The following PARL variants were observed in gnomAD, a reference collection of about 807,000 sequenced individuals.
PARL encodes presenilin-associated rhomboid-like protein, mitochondrial.
PARL carries 44 observed loss-of-function variants against 51.6 expected under a neutral mutation model. The observed-to-expected ratio is 0.85, with a 90% CI of 0.67 to 1.10. The LOEUF (loss-of-function observed/expected upper bound fraction) is 1.10. Among genes scored for constraint, PARL ranks in the 50% least tolerant of loss-of-function variants. PARL has a pLI of 0.00. For missense variants in PARL, 441 were observed against 469.5 expected, an observed-to-expected ratio of 0.94 and a Z score of 0.56; for synonymous variants, 172 against 164.0, an observed-to-expected ratio of 1.05 and a Z score of -0.37.
intron 4 of PARL, among the ~76,000 whole-genome samples, chr3:183,849,857 T>G (rs1730360531): frequency 6.6e-6 from 1 of 152,186 alleles, no homozygotes; most frequent in Non-Finnish European, 1.5e-5. Context: ...GAAAGCAGAA[T>G]GTTACTACGA....
At chr3:183,878,829 A>G (rs1391903044) in intron 1 of PARL, among the ~76,000 whole-genome samples, 8 of 152,216 alleles carry the variant, frequency 5.3e-5, no homozygotes, top group African/African-American at 1.7e-4. Flanking sequence ...TTGAGTCTCC[A>G]ACTAAGAATG....
In PARL at chr3:183,842,383, T is replaced by C; in HGVS notation, c.672A>G (p.Ala224=). 2 of 1,613,712 alleles carry C rather than the reference T, an allele frequency of 1.2e-6. No individual in the cohort carries two copies. Among genetic ancestry groups the C allele is most frequent in the Non-Finnish European group, 1.7e-6 (2 of 1,179,618 alleles). Residue 224 remains alanine (A), a synonymous_variant, in exon 6 of 10, where the codon GCA becomes GCG. Coordinates refer to ENST00000317096, the MANE Select transcript of PARL (RefSeq NM_018622.7). ...FSHFSLFHMA[A]NMYVLWSFSS... is the part of the protein sequence containing the mutation. ...AGAAGCTCCACAAAACATACATATTTGCTGCCATGTGAAATAAGGAGAAAT... is the reference window on the plus strand; with the variant it reads ...AGAAGCTCCACAAAACATACATATTCGCTGCCATGTGAAATAAGGAGAAAT...
intron 6 of PARL, among the ~76,000 whole-genome samples, chr3:183,841,463 G>A (rs1729304236): frequency 6.6e-6 from 1 of 152,148 alleles, no homozygotes; most frequent in African/African-American, 2.4e-5. Flanking sequence ...TCATGAGGAG[G>A]TAAGTATCAT....
chr3:183,879,837 C>G (rs1019787272), intron 1 of PARL: 1 of 185,880 alleles, frequency 5.4e-6, no homozygotes, highest in Middle Eastern at 2.7e-3. Flanking sequence ...CTGCCTCAGC[C>G]TCCCAAGTAG....
chr3:183,876,178 C>T (rs1733777544), intron 1 of PARL, among the ~76,000 whole-genome samples: 1 of 152,160 alleles, frequency 6.6e-6, no homozygotes, highest in Non-Finnish European at 1.5e-5. Context: ...CTCCGAGCAG[C>T]TGGGATCACA....
chr3:183,850,653 G>A (rs896267050), intron 4 of PARL, among the ~76,000 whole-genome samples: 1 of 152,144 alleles, frequency 6.6e-6, no homozygotes, highest in African/African-American at 2.4e-5. Flanking sequence ...ATTCTATGTA[G>A]CCACTATCAC....
chr3:183,871,743 A>C (rs925967334), intron 1 of PARL, among the ~76,000 whole-genome samples: 5 of 152,188 alleles, frequency 3.3e-5, no homozygotes, highest in Admixed American at 6.5e-5. Flanking sequence ...GGAAAGGAGC[A>C]AGAGGAAACT....
intron 1 of PARL, among the ~76,000 whole-genome samples, chr3:183,882,282 TACACACACAC>T (rs1222330580): frequency 1.2e-4 from 11 of 89,686 alleles, no homozygotes; most frequent in East Asian, 9.0e-4. Context: ...TATATATATA[TACACACACAC>T]ATATATATAC....
At chr3:183,881,333 G>A (rs939586011) in intron 1 of PARL, among the ~76,000 whole-genome samples, 4 of 151,830 alleles carry the variant, frequency 2.6e-5, no homozygotes, top group Non-Finnish European at 5.9e-5. Flanking sequence ...TGTTGGCCAG[G>A]CTGGTCTAGA....
At chr3:183,827,090 C>CG (rs1452461019), downstream of PARL, among the ~76,000 whole-genome samples, 3 of 150,662 alleles carry the variant, frequency 2.0e-5, no homozygotes, top group Non-Finnish European at 4.4e-5. Context: ...ATGTAGGTCA[C>CG]GGGGGAGGAG....
chr3:183,873,215 C>T (rs1024165144), intron 1 of PARL, among the ~76,000 whole-genome samples: 1 of 152,038 alleles, frequency 6.6e-6, no homozygotes, highest in African/African-American at 2.4e-5. Flanking sequence ...ATAAAGATGA[C>T]AAGTTGACAG....
At chr3:183,836,217 C>CAAAAAAAAAAAAAAAAA (rs56354792) in intron 7 of PARL, among the ~76,000 whole-genome samples, 2 of 84,290 alleles carry the variant, frequency 2.4e-5, no homozygotes, top group African/African-American at 1.0e-4. Context: ...AACTCCATCT[C>CAAAAAAAAAAAAAAAAA]AAAAAAAAAA....
chr3:183,854,711 T>C (rs1174207855), intron 4 of PARL, among the ~76,000 whole-genome samples: 5 of 150,358 alleles, frequency 3.3e-5, no homozygotes, highest in Admixed American at 2.7e-4. Context: ...TTAAAAATGA[T>C]TAAGATGGTA....
Position 183,842,535 on chromosome 3 carries a change from C to A in PARL, c.608-88G>T, listed in dbSNP as rs575100872. 3 of 1,267,212 alleles carry A rather than the reference C, an allele frequency of 2.4e-6. No individual in the cohort carries two copies. In the East Asian group the frequency reaches 7.2e-5, roughly 30 times the overall value. 78.5% of individuals were successfully genotyped at this position (1,267,212 alleles called of 1,614,324 possible). A position where few individuals can be genotyped will look rare whatever the true frequency, so the allele number is the denominator to read the frequency against. On this transcript the variant is annotated intron_variant, in intron 5 of 9. Transcript: ENST00000317096. ...TTTAAACTTTTAAAATTAGGCCGGACGCAGTGGCTCACGCCTGTAATCCCA... is the reference window on the plus strand; with the variant it reads ...TTTAAACTTTTAAAATTAGGCCGGAAGCAGTGGCTCACGCCTGTAATCCCA...
intron 2 of PARL, among the ~76,000 whole-genome samples, chr3:183,867,471 C>T (rs967246703): frequency 1.3e-5 from 2 of 152,120 alleles, no homozygotes; most frequent in African/African-American, 2.4e-5. Context: ...GAGGCCAAGG[C>T]GGGCGGATCA....
intron 3 of PARL, among the ~76,000 whole-genome samples, chr3:183,864,284 C>A (rs1255320872): frequency 2.6e-5 from 4 of 152,136 alleles, no homozygotes; most frequent in Non-Finnish European, 5.9e-5. Context: ...AAAGAAAATG[C>A]AAGGCTTCCT....
intron 7 of PARL, among the ~76,000 whole-genome samples, chr3:183,837,334 G>A (rs1346837969): frequency 1.3e-5 from 2 of 152,134 alleles, no homozygotes; most frequent in East Asian, 3.9e-4. Flanking sequence ...CTCTAGTCAA[G>A]GACCAAAAAA....
chr3:183,869,236 T>A (rs1732885162), intron 1 of PARL, among the ~76,000 whole-genome samples: 1 of 152,198 alleles, frequency 6.6e-6, no homozygotes, highest in Admixed American at 6.5e-5. Flanking sequence ...AGACAGAGTC[T>A]TATTCTGCCA....
intron 4 of PARL, among the ~76,000 whole-genome samples, chr3:183,859,883 AG>A (rs1376258521): frequency 6.6e-6 from 1 of 152,170 alleles, no homozygotes; most frequent in Non-Finnish European, 1.5e-5. Context: ...TTCAATGGCA[AG>A]GAATACTTAC....
Sources: allele counts gnomAD v4.1 joint callset (sites outside exome capture counted in the v4.1 genomes callset), GRCh38; gene constraint gnomAD v4.1.1; transcripts MANE v1.5; gene names NCBI Gene and HGNC (gene_info 2026-07-23, HGNC 2026-07-21).